The following HECW2 variants were observed in gnomAD, a reference collection of about 807,000 sequenced individuals.
The protein encoded by HECW2 is E3 ubiquitin-protein ligase HECW2.
Under a neutral mutation model 175.2 loss-of-function variants are expected in HECW2, and 61 were observed. The ratio of observed to expected loss-of-function variants is 0.35; its 90% CI spans 0.28 to 0.43. The LOEUF is 0.43. HECW2 is among the 20% of genes least tolerant of loss of function. HECW2 has a pLI of 1.00. For missense variants in HECW2, 1,524 were observed against 2,000.5 expected (o/e 0.76, Z 4.54); for synonymous variants, 671 against 731.0 (o/e 0.92, Z 1.32).
intron 1 of HECW2, among the ~76,000 whole-genome samples, chr2:196,559,399 T>A (rs1008149029): frequency 1.3e-5 from 2 of 152,182 alleles, no homozygotes; most frequent in Admixed American, 6.5e-5. Flanking sequence ...CCAATATAAG[T>A]AAGACATCTA....
At chr2:196,358,451 T>C (rs1239649090) in intron 2 of HECW2, among the ~76,000 whole-genome samples, 2 of 151,696 alleles carry the variant, frequency 1.3e-5, no homozygotes, top group African/African-American at 4.8e-5. Flanking sequence ...GGCAGGTGCC[T>C]ATAATCCCAG....
intron 1 of HECW2, among the ~76,000 whole-genome samples, chr2:196,552,622 C>A (rs1189540750): frequency 6.6e-6 from 1 of 152,214 alleles, no homozygotes; most frequent in Admixed American, 6.5e-5. Context: ...ACATAATCAC[C>A]TTGAGAGGCC....
chr2:196,229,728 A>C (rs1208836246), intron 21 of HECW2, among the ~76,000 whole-genome samples: 1 of 152,220 alleles, frequency 6.6e-6, no homozygotes, highest in African/African-American at 2.4e-5. Context: ...TTTACACAGA[A>C]CAGACTTCAA....
intron 28 of HECW2, among the ~76,000 whole-genome samples, chr2:196,203,486 T>C (rs1226975787): frequency 1.3e-5 from 2 of 152,178 alleles, no homozygotes; most frequent in African/African-American, 4.8e-5. Flanking sequence ...ACGTTTTGAA[T>C]ATAATTCTAT....
In HECW2 at chr2:196,319,244, T is replaced by C; in HGVS notation, c.1646A>G (p.Glu549Gly). 1 of 1,599,842 alleles carries C rather than the reference T, an allele frequency of 6.3e-7. No individual in the cohort carries two copies. The highest frequency in any genetic ancestry group is 8.5e-7 in the Non-Finnish European group (1 of 1,173,560). The change falls in exon 9 of 29, where the codon GAA becomes GGA. Residue 549 changes from glutamate (E) to glycine (G), a missense_variant. This residue lies in a region of HECW2 where 604 missense variants were observed against 588.3 expected (regional missense o/e 1.03). Coordinates refer to ENST00000644978, the MANE Select transcript of HECW2 (RefSeq NM_001348768.2). ...TTGAGGCTCTGGGCCGCCTTCACCT[T>C]CCTCTGGGGCTGGGCCTGCAGGTAA... ...SSLPAGPAPE[E>G]GEGGPEPQPS...
intron 14 of HECW2, among the ~76,000 whole-genome samples, chr2:196,287,711 T>C (rs575527814): frequency 5.9e-5 from 9 of 152,362 alleles, no homozygotes; most frequent in Admixed American, 5.9e-4. Context: ...GTAATTCATA[T>C]GTGTCTCTTG....
In HECW2 at chr2:196,257,886, C is replaced by T. The variant is rs759155418; in HGVS notation, c.3356G>A (p.Arg1119Gln). Reference protein sequence around the residue: ...HSLREKIQFIRTEGTPGLVRL... With the variant: ...HSLREKIQFIQTEGTPGLVRL... ...CACCAATCCTGGAGTCCCTTCAGTT[C>T]GGATAAATTGGATCTTCTCCCTAAT... Residue 1119 changes from arginine (R) to glutamine (Q), a missense_variant, in exon 18 of 29, where the codon CGA becomes CAA. Transcript: ENST00000644978. 22 of 1,613,684 alleles carry T rather than the reference C, an allele frequency of 1.4e-5. No individual in the cohort carries two copies. Among genetic ancestry groups the T allele is most frequent in the South Asian group, 2.2e-5 (2 of 91,078 alleles).
At chr2:196,308,582 T>C (rs1009802243) in intron 10 of HECW2, among the ~76,000 whole-genome samples, 15 of 152,346 alleles carry the variant, frequency 9.8e-5, no homozygotes, top group African/African-American at 3.6e-4. Context: ...AAAATAACTA[T>C]GCTCGCCTAG....
chr2:196,221,004 C>A, intron 24 of HECW2, 63 bp from the exon 25 acceptor site: 2 of 1,528,666 alleles, frequency 1.3e-6, no homozygotes, highest in Non-Finnish European at 1.8e-6. Context: ...AACAACATTA[C>A]TAGCATTGAG....
At chr2:196,305,685 C>A (rs1691231680) in intron 13 of HECW2, among the ~76,000 whole-genome samples, 1 of 152,118 alleles carries the variant, frequency 6.6e-6, no homozygotes, top group Non-Finnish European at 1.5e-5. Context: ...AGGTCAACTT[C>A]TTCAGTTTCT....
chr2:196,422,627 C>T (rs544542471), intron 2 of HECW2, among the ~76,000 whole-genome samples: 27 of 151,988 alleles, frequency 1.8e-4, no homozygotes, highest in Admixed American at 5.2e-4. Context: ...CTGTTAAGCC[C>T]TGAGGATTTA....
In HECW2 at chr2:196,259,268, T is replaced by C. The variant is rs545944966; in HGVS notation, c.3336-1362A>G. Among the ~76,000 whole-genome samples the C allele has an allele frequency of 4.6e-5, 7 of 152,358 alleles. No individual in the cohort carries two copies. In the South Asian group the frequency reaches 1.4e-3, roughly 32 times the overall value. ...GATTATAGGCGTAAGCCACCATGCCTGGCCAAGTTGCACTGATTTTTATAT... is the reference window on the plus strand; with the variant it reads ...GATTATAGGCGTAAGCCACCATGCCCGGCCAAGTTGCACTGATTTTTATAT... On this transcript the variant is annotated intron_variant, in intron 17 of 28. Transcript: ENST00000644978.
At chr2:196,391,781 G>A (rs13432146) in intron 2 of HECW2, among the ~76,000 whole-genome samples, 28,699 of 152,100 alleles carry the variant, frequency 0.19, 3,778 homozygotes, top group African/African-American at 0.37. Flanking sequence ...AAATCAAGGT[G>A]TTAGCAAGCC....
intron 17 of HECW2, among the ~76,000 whole-genome samples, chr2:196,266,651 T>C (rs1007319105): frequency 3.3e-5 from 5 of 152,206 alleles, no homozygotes; most frequent in African/African-American, 1.2e-4. Flanking sequence ...TCTAATATTA[T>C]ATGCAGAAAA....
chr2:196,397,982 C>T lies in HECW2; in HGVS notation c.292+35150G>A, dbSNP rs545847702. On this transcript the variant is annotated intron_variant, in intron 2 of 28. Transcript: ENST00000644978. ...TTCTAACAGCCCTGCAGAAAGCATA[C>T]CCTTCCGAGATACCTCACCAGGAAG... 6.6e-5 allele frequency among the ~76,000 whole-genome samples: 10 copies of T among 152,266 alleles called. No individual in the cohort carries two copies. In the South Asian group the frequency reaches 1.9e-3, roughly 28 times the overall value.
At chr2:196,356,910 C>T (rs1260005682) in intron 2 of HECW2, among the ~76,000 whole-genome samples, 1 of 152,156 alleles carries the variant, frequency 6.6e-6, no homozygotes, top group African/African-American at 2.4e-5. Flanking sequence ...GGTCTTGGAA[C>T]GTATCCCCCG....
chr2:196,485,667 C>T (rs868708588), intron 1 of HECW2, among the ~76,000 whole-genome samples: 11 of 152,156 alleles, frequency 7.2e-5, no homozygotes, highest in Non-Finnish European at 1.6e-4. Flanking sequence ...TAAACATCAA[C>T]ACATAACAAG....
intron 2 of HECW2, among the ~76,000 whole-genome samples, chr2:196,410,537 T>A (rs533858397): frequency 8.2e-4 from 125 of 152,228 alleles, no homozygotes; most frequent in African/African-American, 2.9e-3. Context: ...TTATGTCCGA[T>A]CAGATCAGTA....
At chr2:196,247,225 T>C (rs991033011) in intron 19 of HECW2, among the ~76,000 whole-genome samples, 2 of 152,164 alleles carry the variant, frequency 1.3e-5, no homozygotes, top group African/African-American at 2.4e-5. Context: ...CACTCCAGCC[T>C]GGCAACAGAG....
Sources: gnomAD v4.1 joint callset for allele counts (sites outside exome capture counted in the v4.1 genomes callset) on GRCh38, gnomAD v4.1.1 for gene constraint, gnomAD v4.1.1 regional missense constraint, MANE v1.5 for transcripts, NCBI Gene and HGNC (gene_info 2026-07-23, HGNC 2026-07-21) for gene names.